The following MAPKAP1 variants were observed in gnomAD, a reference collection of about 807,000 sequenced individuals.
The protein encoded by MAPKAP1 is MAPK associated protein 1.
MAPKAP1 carries 20 observed loss-of-function variants against 65.7 expected under a neutral mutation model. The observed-to-expected ratio is 0.30, with a 90% CI of 0.21 to 0.44. The LOEUF is 0.44. Among genes scored for constraint, MAPKAP1 ranks in the 20% least tolerant of loss-of-function variants. MAPKAP1 has a pLI of 1.00. For missense variants in MAPKAP1, 423 were observed against 648.0 expected (o/e 0.65, Z 3.77); for synonymous variants, 222 against 244.3 (o/e 0.91, Z 0.85).
chr9:125,567,189 A>G (rs1307746831), intron 5 of MAPKAP1, among the ~76,000 whole-genome samples: 3 of 152,196 alleles, frequency 2.0e-5, no homozygotes, highest in African/African-American at 7.2e-5. Flanking sequence ...TCTCGGTCTC[A>G]TTCTGTCAAA....
chr9:125,444,285 A>T (rs1852612089), intron 11 of MAPKAP1, among the ~76,000 whole-genome samples: 1 of 152,254 alleles, frequency 6.6e-6, no homozygotes, highest in African/African-American at 2.4e-5. Context: ...CTTTGACTGA[A>T]GCAGGTGCAG....
At position 125,618,341 on chromosome 9, in the gene MAPKAP1, CAAAAAAAAAAAAAAAAAAA is replaced by C. The variant is rs60166871; in HGVS notation, c.499-32633_499-32615del. On this transcript the variant is annotated intron_variant, in intron 4 of 11. Coordinates refer to ENST00000265960, the MANE Select transcript of MAPKAP1 (RefSeq NM_001006617.3). ...TGGGTGACAGAGTGAGGCTCCGTCTCAAAAAAAAAAAAAAAAAAAAAAAAAAAAAAGGCAATAGGCTGAA... is the reference window on the plus strand; with the variant it reads ...TGGGTGACAGAGTGAGGCTCCGTCTCAAAAAAAAAAAGGCAATAGGCTGAA... Among the ~76,000 whole-genome samples, 290 of 31,256 alleles carry C rather than the reference CAAAAAAAAAAAAAAAAAAA, an allele frequency of 9.3e-3. 3 individuals are homozygous for C. Among genetic ancestry groups the C allele is most frequent in the African/African-American group, 0.038 (267 of 7,006 alleles). 20.5% of individuals were successfully genotyped at this position (31,256 alleles called of 152,430 possible).
At chr9:125,455,219 C>T (rs1427335878) in intron 10 of MAPKAP1, among the ~76,000 whole-genome samples, 1 of 152,138 alleles carries the variant, frequency 6.6e-6, no homozygotes, top group Non-Finnish European at 1.5e-5. Context: ...GGAATATTAT[C>T]TGTCTCACAA....
intron 5 of MAPKAP1, among the ~76,000 whole-genome samples, chr9:125,560,990 C>T (rs949075179): frequency 6.6e-6 from 1 of 152,188 alleles, no homozygotes; most frequent in African/African-American, 2.4e-5. Context: ...CGCAAACCTG[C>T]GAGCTTCAGA....
Position 125,589,967 on chromosome 9 carries a change from T to C in MAPKAP1, c.499-4240A>G, listed in dbSNP as rs572562229. ...TCACTAAATAACAAGTGTTTTGGCC[T>C]TGTCGGGCAGGCAAAGGGTTACAAT... On this transcript the variant is annotated intron_variant, in intron 4 of 11. Transcript: ENST00000265960. Among the ~76,000 whole-genome samples the C allele has an allele frequency of 3.9e-5, 6 of 152,326 alleles. No individual in the cohort carries two copies. In the South Asian group the frequency reaches 6.2e-4, roughly 16 times the overall value.
intron 4 of MAPKAP1, among the ~76,000 whole-genome samples, chr9:125,643,330 G>T (rs1261943368): frequency 6.6e-6 from 1 of 151,776 alleles, no homozygotes; most frequent in African/African-American, 2.4e-5. Context: ...GAGTAACTGA[G>T]ACTACAGGCA....
At chr9:125,455,217 ATC>A (rs1214592676) in intron 10 of MAPKAP1, among the ~76,000 whole-genome samples, 3 of 152,208 alleles carry the variant, frequency 2.0e-5, no homozygotes, top group Non-Finnish European at 2.9e-5. Context: ...TGGGAATATT[ATC>A]TGTCTCACAA....
At chr9:125,529,177 G>GAAAAAAAA (rs764136309) in intron 7 of MAPKAP1, among the ~76,000 whole-genome samples, 7 of 99,660 alleles carry the variant, frequency 7.0e-5, no homozygotes, top group Admixed American at 1.1e-4. Context: ...TCTATCTCAG[G>GAAAAAAAA]AAAAAAAAAA....
At chr9:125,570,463 G>A (rs974132972) in intron 5 of MAPKAP1, among the ~76,000 whole-genome samples, 1 of 152,260 alleles carries the variant, frequency 6.6e-6, no homozygotes, top group African/African-American at 2.4e-5. Flanking sequence ...ATGCTGGAGA[G>A]TCAGACCTTA....
intron 5 of MAPKAP1, among the ~76,000 whole-genome samples, chr9:125,560,987 C>G (rs922234769): frequency 2.6e-5 from 4 of 152,210 alleles, no homozygotes; most frequent in Non-Finnish European, 2.9e-5. Flanking sequence ...AACCGCAAAC[C>G]TGCGAGCTTC....
chr9:125,625,049 G>A (rs140411219), intron 4 of MAPKAP1, among the ~76,000 whole-genome samples: 29,516 of 56,516 alleles, frequency 0.52, 10,017 homozygotes, highest in Non-Finnish European at 0.7. Flanking sequence ...CAGCATGCTC[G>A]TTAAGAGTCA....
chr9:125,693,604 T>C (rs1009909234), intron 1 of MAPKAP1, among the ~76,000 whole-genome samples: 4 of 147,186 alleles, frequency 2.7e-5, no homozygotes, highest in Admixed American at 6.8e-5. Context: ...CACACACACA[T>C]ACACATATAT....
In MAPKAP1 at chr9:125,585,584, A is replaced by G. The variant is rs1447506346; in HGVS notation, c.642T>C (p.Tyr214=). 1.2e-6 allele frequency: 2 copies of G among 1,614,206 alleles called. No homozygotes were observed. The highest frequency in any genetic ancestry group is 1.7e-6 in the Non-Finnish European group (2 of 1,180,032). The change falls in exon 5 of 12, where the codon TAT becomes TAC. Residue 214 remains tyrosine, a synonymous_variant. Transcript: ENST00000265960. The stretch of plus-strand genomic sequence containing the variant: ...GCTTCGGCTCCCGTCCTTCGCTTGT[A>G]TACTGCCAGCAGATGAGCCCGATCA... ...QDLIGLICWQ[Y]TSEGREPKLN... is the part of the protein sequence containing the mutation.
intron 7 of MAPKAP1, among the ~76,000 whole-genome samples, chr9:125,517,361 A>G (rs1829492229): frequency 6.6e-6 from 1 of 152,106 alleles, no homozygotes; most frequent in African/African-American, 2.4e-5. Flanking sequence ...CATGAACACC[A>G]GCTGCTTGCC....
chr9:125,655,215 T>C (rs1040329495), intron 4 of MAPKAP1, among the ~76,000 whole-genome samples: 1 of 152,104 alleles, frequency 6.6e-6, no homozygotes, highest in Non-Finnish European at 1.5e-5. Flanking sequence ...AACAAGACAC[T>C]CATTTCATTT....
chr9:125,473,523 A>T (rs1285901557), intron 9 of MAPKAP1, among the ~76,000 whole-genome samples: 2 of 152,186 alleles, frequency 1.3e-5, no homozygotes, highest in African/African-American at 4.8e-5. Context: ...TTCCTTAACA[A>T]GACAGCTCAA....
At chr9:125,682,654 C>T (rs1024682251) in intron 1 of MAPKAP1, among the ~76,000 whole-genome samples, 6 of 152,144 alleles carry the variant, frequency 3.9e-5, no homozygotes, top group Admixed American at 1.3e-4. Flanking sequence ...AACAATTTTA[C>T]GTTTTACTTT....
chr9:125,454,047 G>A (rs6478705), intron 10 of MAPKAP1, among the ~76,000 whole-genome samples: 2 of 151,950 alleles, frequency 1.3e-5, no homozygotes, highest in East Asian at 1.9e-4. Flanking sequence ...GTTATAATAA[G>A]GTTCCATGAA....
intron 3 of MAPKAP1, among the ~76,000 whole-genome samples, chr9:125,659,697 A>G (rs1282150749): frequency 7.0e-6 from 1 of 143,542 alleles, no homozygotes; most frequent in Non-Finnish European, 1.5e-5. Flanking sequence ...ATCAGCACAC[A>G]GTACTGAAAC....
Sources: allele counts gnomAD v4.1 joint callset (sites outside exome capture counted in the v4.1 genomes callset), GRCh38; gene constraint gnomAD v4.1.1; transcripts MANE v1.5; gene names NCBI Gene and HGNC (gene_info 2026-07-23, HGNC 2026-07-21).